XPO5: variants seen among roughly 807,000 people sequenced by gnomAD.
XPO5 encodes exportin-5.
XPO5 carries 46 observed loss-of-function variants against 160.6 expected under a neutral mutation model. The observed-to-expected ratio is 0.29, with a 90% CI of 0.23 to 0.37. XPO5 has a LOEUF of 0.37. Among genes scored for constraint, XPO5 ranks in the 10% least tolerant of loss-of-function variants. XPO5 has a pLI of 1.00. For synonymous variants in XPO5, 537 were observed against 519.3 expected (o/e 1.03, Z -0.46); for missense variants, 1,090 against 1,463.9 (o/e 0.74, Z 4.17).
At position 43,530,385 on chromosome 6, in the gene XPO5, C is replaced by T. The variant is rs61291202; in HGVS notation, c.2677+303G>A. On this transcript the variant is annotated intron_variant, in intron 23 of 31. Transcript: ENST00000265351. ...GCTGTGAGCCGAGATCATACCACTG[C>T]ACTCCAGCCTGTGCAACAGAGTGAG... 3.4e-3 allele frequency among the ~76,000 whole-genome samples: 524 copies of T among 151,916 alleles called. 3 individuals carry two copies. Among genetic ancestry groups the T allele is most frequent in the African/African-American group, 0.012 (503 of 41,364 alleles).
rs756502416 is a variant in XPO5 at position 43,548,376 on chromosome 6, T to C, written c.1945A>G (p.Met649Val). 2.5e-6 allele frequency: 4 copies of C among 1,613,466 alleles called. No individual in the cohort carries two copies. The African/African-American group carries it at 4.0e-5, about 16-fold the overall frequency. ...TTGCTAATGAGAACCAGGGCTTCCA[T>C]GAGGGCACACTTCTCCATTTGTGTC... ...LLTQMEKCALMEALVLISNQF... is the reference protein window; with the variant it reads ...LLTQMEKCALVEALVLISNQF... The change falls in exon 18 of 32, where the codon ATG becomes GTG. Residue 649 changes from methionine to valine, a missense_variant. This residue lies in a region of XPO5 where 810 missense variants were observed against 1,139.0 expected (regional missense o/e 0.71). Coordinates refer to ENST00000265351, the MANE Select transcript of XPO5 (RefSeq NM_020750.3).
In XPO5 at chr6:43,523,814, A is replaced by G. The variant is rs184157837; in HGVS notation, c.*54T>C. 1.3e-4 allele frequency: 205 copies of G among 1,613,622 alleles called. No individual in the cohort carries two copies. The African/African-American group carries it at 2.5e-3, about 20-fold the overall frequency. ...AAGAAGGGCCTAGAGATCGGCTACAAAGGGAAAGAAGAGATGACAAGAAAG... is the reference window on the plus strand; with the variant it reads ...AAGAAGGGCCTAGAGATCGGCTACAGAGGGAAAGAAGAGATGACAAGAAAG... On this transcript the variant is annotated 3_prime_UTR_variant, in exon 32 of 32. Transcript: ENST00000265351.
rs1404186831 is a variant in XPO5, at chr6:43,524,816, G to T, written c.3312+15C>A. On this transcript the variant is annotated intron_variant, in intron 30 of 31. Transcript: ENST00000265351. ...GAAGCTGCAGCCATCCTTCCCCCAT[G>T]CCTTCCCCACTCACCAGTGCCTCGT... 2.5e-6 allele frequency: 4 copies of T among 1,612,392 alleles called. No individual in the cohort carries two copies. Among genetic ancestry groups the T allele is most frequent in the Non-Finnish European group, 3.4e-6 (4 of 1,179,744 alleles).
At chr6:43,554,148 C>T (rs1024784741) in intron 13 of XPO5, among the ~76,000 whole-genome samples, 1 of 152,196 alleles carries the variant, frequency 6.6e-6, no homozygotes, top group Admixed American at 6.5e-5. Flanking sequence ...CCTCTGTCAC[C>T]CAGGCTGGAG....
At chr6:43,529,378 TAAAAAAAA>T (rs35493258) in intron 23 of XPO5, 18 of 121,816 alleles carry the variant, frequency 1.5e-4, no homozygotes, top group Admixed American at 9.5e-4. Context: ...CCGTCTCTAC[TAAAAAAAA>T]AAAAAAAAAA....
intron 13 of XPO5, among the ~76,000 whole-genome samples, chr6:43,554,267 G>T (rs545333944): frequency 2.6e-5 from 4 of 151,622 alleles, no homozygotes; most frequent in Non-Finnish European, 5.9e-5. Flanking sequence ...CACCATGCCC[G>T]GCTAATTTTT....
intron 21 of XPO5, among the ~76,000 whole-genome samples, chr6:43,533,040 T>C (rs898110588): frequency 6.6e-6 from 1 of 152,022 alleles, no homozygotes; most frequent in African/African-American, 2.4e-5. Flanking sequence ...CAGCAGGCTG[T>C]GGGAGAATCA....
intron 7 of XPO5, chr6:43,566,589 A>C (rs539907687): frequency 5.2e-6 from 2 of 386,170 alleles, no homozygotes; most frequent in East Asian, 1.6e-4. Context: ...AGGGCAGATC[A>C]CTTGAGCTCA....
intron 8 of XPO5, among the ~76,000 whole-genome samples, chr6:43,565,260 CAGCT>C (rs1762639515): frequency 6.6e-6 from 1 of 152,060 alleles, no homozygotes; most frequent in Admixed American, 6.5e-5. Context: ...TGTCGATTGA[CAGCT>C]AGCATTTAAG....
At chr6:43,558,354 T>G (rs1762222662) in intron 12 of XPO5, 147 bp downstream of exon 12, 3 of 681,488 alleles carry the variant, frequency 4.4e-6, no homozygotes, top group Non-Finnish European at 7.2e-6. Flanking sequence ...AGCACTCTTC[T>G]GCAATGGGAA....
chr6:43,574,041 G>A (rs1027318539), intron 1 of XPO5, among the ~76,000 whole-genome samples: 2 of 151,878 alleles, frequency 1.3e-5, no homozygotes, highest in Non-Finnish European at 2.9e-5. Flanking sequence ...TGTTGACCAG[G>A]CTGGTCTTGA....
At chr6:43,555,993 C>T (rs1342865565) in intron 12 of XPO5, 29 bp from the exon 13 acceptor site, 1 of 1,611,844 alleles carries the variant, frequency 6.2e-7, no homozygotes, top group East Asian at 2.2e-5. Context: ...AAGGGAAGGA[C>T]AGGAATCAAT....
chr6:43,545,690 A>G (rs1212163286), intron 20 of XPO5, among the ~76,000 whole-genome samples: 2 of 151,596 alleles, frequency 1.3e-5, no homozygotes, highest in East Asian at 3.9e-4. Context: ...CCTGGGTGAC[A>G]AAGTGAGACT....
chr6:43,526,582 G>A (rs1793606837), intron 27 of XPO5, 103 bp downstream of exon 27: 7 of 1,276,696 alleles, frequency 5.5e-6, no homozygotes, highest in Admixed American at 1.9e-5. Flanking sequence ...CTACATGTAG[G>A]GTGTCTTCTC....
intron 1 of XPO5, among the ~76,000 whole-genome samples, chr6:43,575,349 T>A (rs1232298928): frequency 6.6e-6 from 1 of 151,940 alleles, no homozygotes; most frequent in Non-Finnish European, 1.5e-5. Context: ...AAACGTTTAG[T>A]GCAGGAGAGA....
chr6:43,546,519 A>G, intron 20 of XPO5, 52 bp downstream of exon 20: 1 of 1,541,750 alleles, frequency 6.5e-7, no homozygotes, highest in South Asian at 1.3e-5. Flanking sequence ...AACTTTTGAA[A>G]TTTTTAAGGT....
At position 43,562,198 on chromosome 6, in the gene XPO5, C is replaced by G. The variant is rs765572201; in HGVS notation, c.1011+49G>C. The stretch of plus-strand genomic sequence containing the variant: ...TCATTGAAACATAAGTTTCTAAATG[C>G]TCTTCCCAAATGGGCTTGAAGCTCT... On this transcript the variant is annotated intron_variant, in intron 9 of 31. Transcript: ENST00000265351. The G allele has an allele frequency of 2.0e-6, 3 of 1,472,818 alleles. No homozygotes were observed. In the African/African-American group the frequency reaches 4.2e-5, roughly 21 times the overall value. 91.2% of individuals were successfully genotyped at this position (1,472,818 alleles called of 1,614,324 possible).
At chr6:43,533,216 A>G (rs1335380976) in intron 21 of XPO5, 1 of 35,636 alleles carries the variant, frequency 2.8e-5, no homozygotes, top group Non-Finnish European at 4.5e-5. Context: ...ACCTATCTAC[A>G]CACACACACA....
In XPO5 at chr6:43,528,204, C is replaced by T; in HGVS notation, c.2777G>A (p.Arg926Lys). ...GATAACTTGCCATTTCTGAGAAAGC[C>T]TCTGGGAAAACACAAAGGAAATAAA... ...LGPLFTYLHM[R>K]LSQKWQVINQ... The change falls in exon 25 of 32, where the codon AGG (arginine) becomes AAG (lysine). Residue 926 changes from arginine (R) to lysine (K), a missense_variant and splice_region_variant. Around this residue, in one of 3 missense-constraint regions of XPO5, gnomAD observed 810 missense variants for 1,139.0 expected, o/e 0.71. Transcript: ENST00000265351. 2.5e-6 allele frequency: 4 copies of T among 1,590,638 alleles called. No homozygotes were observed. Among genetic ancestry groups the T allele is most frequent in the Non-Finnish European group, 3.4e-6 (4 of 1,167,962 alleles).
Sources: allele counts gnomAD v4.1 joint callset (sites outside exome capture counted in the v4.1 genomes callset), GRCh38; gene constraint gnomAD v4.1.1; regional missense constraint gnomAD v4.1.1; transcripts MANE v1.5; gene names NCBI Gene and HGNC (gene_info 2026-07-23, HGNC 2026-07-21).